The following DLGAP2 variants were observed in gnomAD, a reference collection of about 807,000 sequenced individuals.
DLGAP2 encodes disks large-associated protein 2.
A neutral mutation model predicts 100.3 loss-of-function variants in DLGAP2; 26 were observed. That is an observed-to-expected ratio of 0.26 (90% CI 0.19 to 0.36). DLGAP2 has a LOEUF of 0.36. Ranked by LOEUF, DLGAP2 falls within the 10% of genes least tolerant of loss-of-function variation. The pLI, the probability that DLGAP2 is intolerant of heterozygous loss-of-function variation, is 1.00. For synonymous variants in DLGAP2, 886 were observed against 630.1 expected, an observed-to-expected ratio of 1.41 and a Z score of -6.08; for missense variants, 1,858 against 1,453.2, an observed-to-expected ratio of 1.28 and a Z score of -4.53.
intron 2 of DLGAP2, among the ~76,000 whole-genome samples, chr8:1,089,433 C>T (rs1585048228): frequency 1.3e-5 from 2 of 152,332 alleles, no homozygotes; most frequent in South Asian, 4.1e-4. Flanking sequence ...CCATCGCCTT[C>T]CTCCAGCATC....
chr8:1,648,591 G>A (rs1015207633), intron 8 of DLGAP2, among the ~76,000 whole-genome samples: 2 of 152,010 alleles, frequency 1.3e-5, no homozygotes, highest in African/African-American at 4.8e-5. Context: ...GAGATCCCCA[G>A]GTCCCCTTCT....
intron 3 of DLGAP2, among the ~76,000 whole-genome samples, chr8:1,353,890 G>GA (rs1286117411): frequency 5.3e-5 from 8 of 152,076 alleles, no homozygotes; most frequent in African/African-American, 1.2e-4. Context: ...CCCTAGAGGG[G>GA]AAAAAAATCA....
intron 2 of DLGAP2, among the ~76,000 whole-genome samples, chr8:1,111,148 A>G (rs536718182): frequency 1.3e-5 from 2 of 152,334 alleles, no homozygotes; most frequent in East Asian, 1.9e-4. Flanking sequence ...GCAGGGCTGG[A>G]AATGCAAAGA....
At chr8:746,105 CG>C (rs1209368578) in intron 1 of DLGAP2, among the ~76,000 whole-genome samples, 1 of 152,198 alleles carries the variant, frequency 6.6e-6, no homozygotes, top group Non-Finnish European at 1.5e-5. Flanking sequence ...GCAGGAAGGC[CG>C]GGGGTGCGTC....
chr8:1,318,804 C>T (rs1408552184), intron 3 of DLGAP2, among the ~76,000 whole-genome samples: 2 of 136,790 alleles, frequency 1.5e-5, no homozygotes, highest in South Asian at 5.1e-4. Context: ...CTCGCCCATC[C>T]TTGGGGCCTC....
intron 4 of DLGAP2, among the ~76,000 whole-genome samples, chr8:1,515,746 A>G (rs1800349799): frequency 1.1e-5 from 1 of 91,240 alleles, no homozygotes; most frequent in African/African-American, 3.5e-5. Flanking sequence ...ACACACTTGT[A>G]TGCACACACA....
intron 3 of DLGAP2, among the ~76,000 whole-genome samples, chr8:1,334,615 C>T (rs544364738): frequency 1.3e-5 from 2 of 152,214 alleles, no homozygotes; most frequent in East Asian, 1.9e-4. Flanking sequence ...GAGACATGCA[C>T]CCACCGTGGG....
At chr8:1,543,983 G>A (rs910869153) in intron 4 of DLGAP2, among the ~76,000 whole-genome samples, 2 of 151,876 alleles carry the variant, frequency 1.3e-5, no homozygotes. Context: ...GCTCACTGCA[G>A]CCTTGAACTC....
At chr8:1,542,989 C>T (rs1801413686) in intron 4 of DLGAP2, among the ~76,000 whole-genome samples, 2 of 152,156 alleles carry the variant, frequency 1.3e-5, no homozygotes, top group Admixed American at 6.5e-5. Flanking sequence ...TCTGTGTGCT[C>T]TTTCGCCGTT....
At chr8:1,566,503 C>G (rs1802407883) in intron 6 of DLGAP2, among the ~76,000 whole-genome samples, 1 of 152,230 alleles carries the variant, frequency 6.6e-6, no homozygotes, top group Non-Finnish European at 1.5e-5. Context: ...AGCCACGCTG[C>G]TGTGTATCTT....
Position 1,548,754 on chromosome 8 carries a change from C to A in DLGAP2, c.301C>A (p.Leu101Met). The A allele has an allele frequency of 6.2e-7, 1 of 1,603,070 alleles. No homozygotes were observed. ...GCTGTGTTCCGGGCACACGTGTGGTCTGGCGCCCCCGGAGGACTGCGAGCA... is the reference window on the plus strand; with the variant it reads ...GCTGTGTTCCGGGCACACGTGTGGTATGGCGCCCCCGGAGGACTGCGAGCA... ...PPLCSGHTCG[L>M]APPEDCEHLH... is the part of the protein sequence containing the mutation. The change falls in exon 5 of 15, where the codon CTG (leucine) becomes ATG (methionine). Residue 101 changes from leucine to methionine, a missense_variant. Leu to Met is a conservative substitution (Grantham distance 15, BLOSUM62 2). Coordinates refer to ENST00000637795, the MANE Select transcript of DLGAP2 (RefSeq NM_001346810.2).
intron 3 of DLGAP2, among the ~76,000 whole-genome samples, chr8:1,317,632 C>T (rs1352152552): frequency 1.4e-5 from 2 of 143,092 alleles, no homozygotes; most frequent in Non-Finnish European, 3.0e-5. Context: ...CAGTGGTCTA[C>T]ACTCGAGACA....
Position 806,406 on chromosome 8 carries a change from C to T in DLGAP2, c.18+68581C>T, listed in dbSNP as rs533976497. Among the ~76,000 whole-genome samples the T allele has an allele frequency of 7.6e-4, 116 of 152,314 alleles. 1 individual carries two copies. The highest frequency in any genetic ancestry group is 2.7e-3 in the African/African-American group (114 of 41,558). On this transcript the variant is annotated intron_variant, in intron 1 of 14. Coordinates refer to ENST00000637795, the MANE Select transcript of DLGAP2 (RefSeq NM_001346810.2). ...TTTCTGGATCTGTGAGTGGCGTGCG[C>T]GTCTCTGGACTGGTCACCGCGGCCA...
At chr8:981,569 G>C (rs750985245) in intron 2 of DLGAP2, among the ~76,000 whole-genome samples, 1 of 152,146 alleles carries the variant, frequency 6.6e-6, no homozygotes, top group Admixed American at 6.5e-5. Context: ...CAGTTTCTCT[G>C]CATCCTCTCC....
intron 3 of DLGAP2, among the ~76,000 whole-genome samples, chr8:1,489,943 G>A (rs977508771): frequency 3.3e-5 from 5 of 152,050 alleles, no homozygotes; most frequent in African/African-American, 1.2e-4. Flanking sequence ...CCAGGCTGGA[G>A]TGCAGTGGCA....
At chr8:1,040,192 C>T (rs1802290635) in intron 2 of DLGAP2, among the ~76,000 whole-genome samples, 1 of 140,220 alleles carries the variant, frequency 7.1e-6, no homozygotes, top group African/African-American at 3.0e-5. Context: ...CCATGGTCAG[C>T]TCAGTGTGCG....
chr8:1,557,383 G>A (rs1048946575), intron 5 of DLGAP2, among the ~76,000 whole-genome samples: 14 of 152,230 alleles, frequency 9.2e-5, no homozygotes, highest in African/African-American at 3.4e-4. Context: ...TGAGATGGAC[G>A]TGCCGATGGC....
At chr8:744,761 C>T (rs539503793) in intron 1 of DLGAP2, among the ~76,000 whole-genome samples, 32 of 152,252 alleles carry the variant, frequency 2.1e-4, no homozygotes, top group Non-Finnish European at 3.4e-4. Context: ...GCCCCAGCAA[C>T]ACTCTGGCTT....
intron 2 of DLGAP2, among the ~76,000 whole-genome samples, chr8:909,716 G>C (rs1798447455): frequency 6.6e-6 from 1 of 152,150 alleles, no homozygotes; most frequent in Non-Finnish European, 1.5e-5. Flanking sequence ...TATTCGGTGT[G>C]GATAAGGGAA....
Sources: allele counts gnomAD v4.1 joint callset (sites outside exome capture counted in the v4.1 genomes callset), GRCh38; gene constraint gnomAD v4.1.1; transcripts MANE v1.5; gene names NCBI Gene and HGNC (gene_info 2026-07-23, HGNC 2026-07-21).